SLC9D1: variants seen among roughly 807,000 people sequenced by gnomAD.
The protein encoded by SLC9D1 is solute carrier family 9 member D1.
chr13:113,512,841 A>G, the SLC9D1 span, among the ~76,000 whole-genome samples: 3 of 150,904 alleles, frequency 2.0e-5, no homozygotes, highest in East Asian at 6.0e-4. Flanking sequence ...TCGGAGCCCC[A>G]GGTGCTGGGA....
the SLC9D1 span, chr13:113,495,716 G>C: frequency 5.0e-6 from 8 of 1,613,498 alleles, no homozygotes; most frequent in Non-Finnish European, 4.2e-6. Flanking sequence ...CTGCCATGCA[G>C]AGCCGGCAGT....
the SLC9D1 span, among the ~76,000 whole-genome samples, chr13:113,524,533 G>C: frequency 1.3e-5 from 2 of 151,868 alleles, no homozygotes; most frequent in Non-Finnish European, 2.9e-5. Context: ...ACAAGGTTTC[G>C]CCATGTTGGC....
chr13:113,537,040 G>A, the SLC9D1 span, among the ~76,000 whole-genome samples: 3 of 152,202 alleles, frequency 2.0e-5, no homozygotes, highest in Admixed American at 1.3e-4. Flanking sequence ...GGTCCCTCAA[G>A]CCCTTTCCAA....
At chr13:113,495,810 G>A in the SLC9D1 span, 4 of 1,614,190 alleles carry the variant, frequency 2.5e-6, no homozygotes, top group Non-Finnish European at 3.4e-6. Flanking sequence ...TGCAATTGGA[G>A]CAGTGGAGAA....
At chr13:113,548,227 G>T in the SLC9D1 span, 1 of 1,541,430 alleles carries the variant, frequency 6.5e-7, no homozygotes, top group Admixed American at 2.0e-5. Context: ...TGGCTCGTCT[G>T]GGTTCTCTGT....
At chr13:113,507,344 C>T in the SLC9D1 span, among the ~76,000 whole-genome samples, 1 of 152,132 alleles carries the variant, frequency 6.6e-6, no homozygotes, top group African/African-American at 2.4e-5. Context: ...TTTTATTACT[C>T]AGGTATAAAT....
At chr13:113,499,412 C>G in the SLC9D1 span, among the ~76,000 whole-genome samples, 3 of 152,226 alleles carry the variant, frequency 2.0e-5, no homozygotes, top group African/African-American at 4.8e-5. Context: ...TCATTTTACC[C>G]TGCTCATATT....
chr13:113,492,466 C>T, the SLC9D1 span, among the ~76,000 whole-genome samples: 1 of 152,240 alleles, frequency 6.6e-6, no homozygotes, highest in Admixed American at 6.5e-5. Context: ...GATCAAATCC[C>T]CTGACCTGTT....
At chr13:113,508,925 G>C in the SLC9D1 span, among the ~76,000 whole-genome samples, 6 of 152,066 alleles carry the variant, frequency 3.9e-5, no homozygotes, top group Non-Finnish European at 8.8e-5. Context: ...GGGCTTGGTG[G>C]GTGGGTCCCC....
At chr13:113,506,694 C>A in the SLC9D1 span, among the ~76,000 whole-genome samples, 5 of 152,114 alleles carry the variant, frequency 3.3e-5, no homozygotes, top group African/African-American at 4.8e-5. Context: ...TCTGCCTGGA[C>A]CTGTGTTCCT....
the SLC9D1 span, among the ~76,000 whole-genome samples, chr13:113,535,668 AG>A: frequency 6.6e-6 from 1 of 151,964 alleles, no homozygotes; most frequent in Non-Finnish European, 1.5e-5. The surrounding 1 kb of genome is among the most constrained non-coding windows in gnomAD (Gnocchi z 4.1). Context: ...GTGGGCAGGC[AG>A]CCCCCAAAGG....
chr13:113,532,313 A>G, the SLC9D1 span, among the ~76,000 whole-genome samples: 1 of 152,250 alleles, frequency 6.6e-6, no homozygotes, highest in African/African-American at 2.4e-5. Flanking sequence ...CCAGACGCAC[A>G]GGCTCTACCT....
At chr13:113,538,490 C>T in the SLC9D1 span, among the ~76,000 whole-genome samples, 1 of 152,242 alleles carries the variant, frequency 6.6e-6, no homozygotes, top group Non-Finnish European at 1.5e-5. Context: ...ACATGAGTCT[C>T]TTGGCGCTCC....
At chr13:113,516,308 T>TA in the SLC9D1 span, among the ~76,000 whole-genome samples, 1 of 152,202 alleles carries the variant, frequency 6.6e-6, no homozygotes, top group Non-Finnish European at 1.5e-5. Context: ...CTCATGCCTG[T>TA]AATCCCAGCA....
At chr13:113,496,057 G>A in the SLC9D1 span, 33 of 1,389,418 alleles carry the variant, frequency 2.4e-5, no homozygotes, top group Middle Eastern at 2.2e-4. Flanking sequence ...AGAGAGAGAG[G>A]GAGAGGGAGA....
chr13:113,511,243 G>A, the SLC9D1 span, among the ~76,000 whole-genome samples: 4 of 152,218 alleles, frequency 2.6e-5, no homozygotes, highest in Admixed American at 2.6e-4. Context: ...AGTAAAATAC[G>A]GGGTCGAAAT....
chr13:113,545,251 C>T, the SLC9D1 span, among the ~76,000 whole-genome samples: 135 of 152,328 alleles, frequency 8.9e-4, no homozygotes, highest in African/African-American at 3.1e-3. Flanking sequence ...TCCAAATCCA[C>T]ATTCACAGAT....
At chr13:113,521,790 C>T in the SLC9D1 span, among the ~76,000 whole-genome samples, 86 of 152,278 alleles carry the variant, frequency 5.6e-4, no homozygotes, top group Non-Finnish European at 1.2e-3. Flanking sequence ...AAAATAAGGA[C>T]AGTTGCAAAG....
chr13:113,538,957 C>T, the SLC9D1 span, among the ~76,000 whole-genome samples: 1 of 152,216 alleles, frequency 6.6e-6, no homozygotes, highest in African/African-American at 2.4e-5. Flanking sequence ...TGCTTGTCGT[C>T]CTGTCGCTTT....
Sources: gnomAD v4.1 joint callset for allele counts (sites outside exome capture counted in the v4.1 genomes callset) on GRCh38, gnomAD v4.1.1 for gene constraint, Gnocchi (gnomAD v3.1) non-coding constraint, MANE v1.5 for transcripts, NCBI Gene and HGNC (gene_info 2026-07-23, HGNC 2026-07-21) for gene names.